Variants in HS3ST4 observed in about 807,000 individuals in gnomAD.
The protein encoded by HS3ST4 is heparan sulfate glucosamine 3-O-sulfotransferase 4.
HS3ST4 carries 17 observed loss-of-function variants against 29.2 expected under a neutral mutation model. The ratio of observed to expected loss-of-function variants is 0.58; its 90% CI spans 0.40 to 0.87. The LOEUF (loss-of-function observed/expected upper bound fraction) is 0.87, where lower values mean the gene tolerates loss of function less well. Ranked by LOEUF, HS3ST4 falls within the 40% of genes least tolerant of loss-of-function variation. The pLI is 0.00. For missense variants in HS3ST4, 627 were observed against 634.5 expected, an observed-to-expected ratio of 0.99 and a Z score of 0.13; for synonymous variants, 314 against 285.7, an observed-to-expected ratio of 1.10 and a Z score of -1.00.
intron 1 of HS3ST4, among the ~76,000 whole-genome samples, chr16:25,933,093 T>C (rs1191626059): frequency 6.6e-6 from 1 of 152,194 alleles, no homozygotes; most frequent in Non-Finnish European, 1.5e-5. Context: ...GAAACTCATA[T>C]TTTGCTTCTC....
At chr16:25,843,167 T>G (rs1967433006) in intron 1 of HS3ST4, among the ~76,000 whole-genome samples, 1 of 152,248 alleles carries the variant, frequency 6.6e-6, no homozygotes, top group Non-Finnish European at 1.5e-5. Flanking sequence ...ATAGTTATTA[T>G]TTTTCACAGT....
chr16:25,931,839 T>C (rs1210898115), intron 1 of HS3ST4, among the ~76,000 whole-genome samples: 1 of 152,204 alleles, frequency 6.6e-6, no homozygotes, highest in Non-Finnish European at 1.5e-5. Flanking sequence ...GTCTGGGGGC[T>C]GCTCCTGCTA....
chr16:25,991,793 G>A (rs919590974), intron 1 of HS3ST4, among the ~76,000 whole-genome samples: 2 of 152,090 alleles, frequency 1.3e-5, no homozygotes, highest in Admixed American at 6.5e-5. Flanking sequence ...AGGCTGGGGC[G>A]GGTGGATCAC....
rs568581834 is a variant in HS3ST4 at position 26,121,812 on chromosome 16, A to C, written c.735-13800A>C. On this transcript the variant is annotated intron_variant, in intron 1 of 1. Transcript: ENST00000331351. ...AGACCAAGGAAAGAAAACACAACAA[A>C]ATAGCTAACAGACATTGGTGTGTGA... is the stretch of plus-strand genomic sequence containing the variant. Among the ~76,000 whole-genome samples, 221 of 152,302 alleles carry C rather than the reference A, an allele frequency of 1.5e-3. 1 individual carries two copies. The highest frequency in any genetic ancestry group is 5.1e-3 in the African/African-American group (213 of 41,574).
intron 1 of HS3ST4, among the ~76,000 whole-genome samples, chr16:26,035,411 C>G (rs534273374): frequency 6.6e-6 from 1 of 152,342 alleles, no homozygotes; most frequent in East Asian, 1.9e-4. Context: ...ATACTTCCTC[C>G]TAGATGTTTC....
At chr16:25,701,032 G>T (rs1190233065) in intron 1 of HS3ST4, among the ~76,000 whole-genome samples, 1 of 152,130 alleles carries the variant, frequency 6.6e-6, no homozygotes. Context: ...GAGAAGTCTG[G>T]GGATAACTTG....
intron 1 of HS3ST4, among the ~76,000 whole-genome samples, chr16:26,009,516 C>T (rs1429870679): frequency 2.6e-5 from 4 of 152,172 alleles, no homozygotes; most frequent in African/African-American, 9.6e-5. Flanking sequence ...ATACCAGTGA[C>T]TTAACACAGT....
chr16:25,911,971 G>A (rs1379730632), intron 1 of HS3ST4, among the ~76,000 whole-genome samples: 1 of 152,200 alleles, frequency 6.6e-6, no homozygotes, highest in East Asian at 1.9e-4. Context: ...ACAGGAAAAA[G>A]ATGGGGTTTG....
At chr16:26,026,919 C>G (rs1969481820) in intron 1 of HS3ST4, among the ~76,000 whole-genome samples, 2 of 152,106 alleles carry the variant, frequency 1.3e-5, no homozygotes, top group Admixed American at 6.5e-5. Flanking sequence ...AATGCTAAAC[C>G]TTTTGCGTGC....
At chr16:25,745,551 A>G (rs1966679924) in intron 1 of HS3ST4, among the ~76,000 whole-genome samples, 1 of 152,198 alleles carries the variant, frequency 6.6e-6, no homozygotes, top group Non-Finnish European at 1.5e-5. Context: ...GTTCAATAAC[A>G]TTCACAAAAT....
intron 1 of HS3ST4, among the ~76,000 whole-genome samples, chr16:25,905,859 G>A (rs368763250): frequency 7.2e-5 from 11 of 152,240 alleles, no homozygotes; most frequent in South Asian, 4.1e-4. Context: ...GAGGCTTCAC[G>A]CATGTATCTT....
chr16:25,714,639 T>G lies in HS3ST4; in HGVS notation c.734+21488T>G, dbSNP rs111881989. Among the ~76,000 whole-genome samples, 524 of 152,360 alleles carry G rather than the reference T, an allele frequency of 3.4e-3. 1 individual carries two copies. The highest frequency in any genetic ancestry group is 0.011 in the African/African-American group (470 of 41,592). ...GCTGCATCTGTTTTGTCTCCTTGTT[T>G]GTTATATGTTGATGGCTTTGTTTAC... is the stretch of plus-strand genomic sequence containing the variant. On this transcript the variant is annotated intron_variant, in intron 1 of 1. Coordinates refer to ENST00000331351, the MANE Select transcript of HS3ST4 (RefSeq NM_006040.3).
At chr16:25,770,280 C>G (rs1966840205) in intron 1 of HS3ST4, among the ~76,000 whole-genome samples, 1 of 152,138 alleles carries the variant, frequency 6.6e-6, no homozygotes, top group Admixed American at 6.6e-5. Context: ...TTCTCCTTTC[C>G]TTCAAGTAAT....
chr16:26,014,901 C>T (rs1383026423), intron 1 of HS3ST4, among the ~76,000 whole-genome samples: 1 of 152,156 alleles, frequency 6.6e-6, no homozygotes, highest in Non-Finnish European at 1.5e-5. Context: ...GCTCTTTCCA[C>T]CACACCTTTG....
intron 1 of HS3ST4, among the ~76,000 whole-genome samples, chr16:25,949,254 C>T (rs908782802): frequency 1.3e-5 from 2 of 152,154 alleles, no homozygotes; most frequent in African/African-American, 4.8e-5. Context: ...ATGTACAATT[C>T]ATTTATCATG....
At chr16:26,122,209 A>T (rs1184835030) in intron 1 of HS3ST4, among the ~76,000 whole-genome samples, 1 of 151,916 alleles carries the variant, frequency 6.6e-6, no homozygotes, top group African/African-American at 2.4e-5. Flanking sequence ...ACATATCAAC[A>T]CACATGCACA....
chr16:25,967,930 A>G (rs759226175), intron 1 of HS3ST4, among the ~76,000 whole-genome samples: 1 of 152,176 alleles, frequency 6.6e-6, no homozygotes, highest in African/African-American at 2.4e-5. Flanking sequence ...GCCTGTGACT[A>G]TGTTACCCTC....
intron 1 of HS3ST4, among the ~76,000 whole-genome samples, chr16:25,849,226 A>G (rs1481119016): frequency 6.6e-6 from 1 of 152,174 alleles, no homozygotes; most frequent in East Asian, 1.9e-4. Context: ...TTGTTGATAA[A>G]TATATTTTTA....
At chr16:26,046,145 A>ATTT (rs146624042) in intron 1 of HS3ST4, among the ~76,000 whole-genome samples, 11 of 114,624 alleles carry the variant, frequency 9.6e-5, no homozygotes, top group Admixed American at 1.8e-4. Flanking sequence ...AGGACAGGAA[A>ATTT]TTTTTTTTTT....
Sources: allele counts gnomAD v4.1 joint callset (sites outside exome capture counted in the v4.1 genomes callset), GRCh38; gene constraint gnomAD v4.1.1; transcripts MANE v1.5; gene names NCBI Gene and HGNC (gene_info 2026-07-23, HGNC 2026-07-21).